The following SNAPC4 variants were observed in gnomAD, a reference collection of about 807,000 sequenced individuals.
SNAPC4 encodes small nuclear RNA activating complex polypeptide 4, also known as snRNA-activating protein complex subunit 4.
SNAPC4 carries 127 observed loss-of-function variants against 151.3 expected under a neutral mutation model. The ratio of observed to expected loss-of-function variants is 0.84; its 90% CI spans 0.73 to 0.97. The LOEUF (loss-of-function observed/expected upper bound fraction) is 0.97. SNAPC4 is among the 50% of genes least tolerant of loss of function. The pLI, the probability that SNAPC4 is intolerant of heterozygous loss-of-function variation, is 0.00. For synonymous variants in SNAPC4, 1,002 were observed against 824.4 expected (o/e 1.22, Z -3.69); for missense variants, 2,186 against 1,935.0 (o/e 1.13, Z -2.43).
At position 136,378,794 on chromosome 9, in the gene SNAPC4, G is replaced by A. The variant is rs779045325; in HGVS notation, c.3033C>T (p.Pro1011=). 2.9e-5 allele frequency: 45 copies of A among 1,568,320 alleles called. No individual in the cohort carries two copies. The highest frequency in any genetic ancestry group is 1.7e-4 in the Middle Eastern group (1 of 5,800). Residue 1011 remains proline (P), a synonymous_variant, in exon 22 of 24, where the codon CCC becomes CCT. Coordinates refer to ENST00000684778, the MANE Select transcript of SNAPC4 (RefSeq NM_003086.4). ...PAASQAPALG[P]GQISVSCPES... ...CGGGGCAGCTCACAGAGATCTGGCC[G>A]GGGCCCAGGGCAGGGGCTTGGGAAG...
Position 136,381,836 on chromosome 9 carries a change from C to G in SNAPC4, c.2305G>C (p.Val769Leu), listed in dbSNP as rs1453502178. Reference sequence around the variant, plus strand: ...CCCCAGGCCATACCTTGAGTCTGCACTACGGCGGGTCTCTGGGAAGCCTGT... The same window carrying G: ...CCCCAGGCCATACCTTGAGTCTGCAGTACGGCGGGTCTCTGGGAAGCCTGT... ...CTQASQRPAVVQTQADGLREQ... is the reference protein window; with the variant it reads ...CTQASQRPAVLQTQADGLREQ... Residue 769 changes from valine (V) to leucine (L), a missense_variant, in exon 18 of 24, where the codon GTG becomes CTG. Physicochemically the swap from Val to Leu is conservative, Grantham distance 32 (BLOSUM62 1). Coordinates refer to ENST00000684778, the MANE Select transcript of SNAPC4 (RefSeq NM_003086.4). 1.9e-6 allele frequency: 3 copies of G among 1,608,772 alleles called. No individual in the cohort carries two copies. Among genetic ancestry groups the G allele is most frequent in the Non-Finnish European group, 1.7e-6 (2 of 1,177,568 alleles).
chr9:136,376,075 C>T (rs140038208), intron 23 of SNAPC4, among the ~76,000 whole-genome samples: 387 of 152,298 alleles, frequency 2.5e-3, no homozygotes, highest in African/African-American at 8.8e-3. Context: ...CAGAGCACAG[C>T]GGCCAGGGAG....
At position 136,381,835 on chromosome 9, in the gene SNAPC4, A is replaced by G; in HGVS notation, c.2306T>C (p.Val769Ala). The G allele has an allele frequency of 6.2e-6, 10 of 1,612,054 alleles. No individual in the cohort carries two copies. The highest frequency in any genetic ancestry group is 8.5e-6 in the Non-Finnish European group (10 of 1,179,606). ...GCCCCAGGCCATACCTTGAGTCTGC[A>G]CTACGGCGGGTCTCTGGGAAGCCTG... ...CTQASQRPAVVQTQADGLREQ... is the reference protein window; with the variant it reads ...CTQASQRPAVAQTQADGLREQ... Residue 769 changes from valine (V) to alanine (A), a missense_variant, in exon 18 of 24, where the codon GTG (valine) becomes GCG (alanine). By Grantham distance (64) the Val-to-Ala change is moderately conservative. Transcript: ENST00000684778.
At position 136,378,272 on chromosome 9, in the gene SNAPC4, A is replaced by T. The variant is rs758827798; in HGVS notation, c.3555T>A (p.Pro1185=). 2 of 1,606,550 alleles carry T rather than the reference A, an allele frequency of 1.2e-6. No homozygotes were observed. The highest frequency in any genetic ancestry group is 2.2e-5 in the South Asian group (2 of 89,862). Reference sequence around the variant, plus strand: ...CAGCGTGGGAGGACGTCCTGGGCTCAGGTATCTCCCTGGCCACCTGGGCCT... The same window carrying T: ...CAGCGTGGGAGGACGTCCTGGGCTCTGGTATCTCCCTGGCCACCTGGGCCT... The part of the protein sequence containing the change: ...PGEAQVAREI[P]EPRTSSHADP... The change falls in exon 22 of 24, where the codon CCT becomes CCA. Residue 1185 remains proline, a synonymous_variant. Transcript: ENST00000684778.
intron 18 of SNAPC4, 99 bp from the exon 19 acceptor site, chr9:136,381,491 G>A (rs922572357): frequency 6.7e-5 from 75 of 1,112,746 alleles, no homozygotes; most frequent in African/African-American, 2.5e-4. Context: ...CTTTCGAGGC[G>A]GCTCTGGGAG....
In SNAPC4 at chr9:136,394,231, T is replaced by TTTA; in HGVS notation, c.632+17_632+18insTAA. 6.4e-7 allele frequency: 1 copy of TTTA among 1,561,070 alleles called. No homozygotes were observed. The highest frequency in any genetic ancestry group is 8.7e-7 in the Non-Finnish European group (1 of 1,151,042). ...GCCCAGCCTGAAGACCGTTTTTGAC[T>TTTA]TATGGTTTTAGACTTACTTCAGTAA... On this transcript the variant is annotated intron_variant, in intron 7 of 23. Coordinates refer to ENST00000684778, the MANE Select transcript of SNAPC4 (RefSeq NM_003086.4).
rs373252917 is a variant in SNAPC4, at chr9:136,396,960, A to C, written c.177+17T>G. 5.6e-6 allele frequency: 9 copies of C among 1,611,728 alleles called. No homozygotes were observed. The African/African-American group carries it at 1.2e-4, about 21-fold the overall frequency. The stretch of plus-strand genomic sequence containing the variant: ...AGGCCTGACCCAGTGGCACAGCCAG[A>C]TCAGGCCAACAGTTACCGAGATCGG... On this transcript the variant is annotated intron_variant, in intron 3 of 23. Coordinates refer to ENST00000684778, the MANE Select transcript of SNAPC4 (RefSeq NM_003086.4).
intron 16 of SNAPC4, 113 bp from the exon 17 acceptor site, chr9:136,382,449 G>C (rs1181600353): frequency 2.2e-6 from 2 of 905,818 alleles, no homozygotes; most frequent in Non-Finnish European, 3.5e-6. Flanking sequence ...AAGCGTGGCT[G>C]TGTACAGCTC....
chr9:136,394,971 C>T, intron 5 of SNAPC4, 93 bp from the exon 6 acceptor site: 3 of 1,089,744 alleles, frequency 2.8e-6, no homozygotes. Context: ...AGGACTCGGG[C>T]TCCCCCTGCC....
rs1478477261 is a variant in SNAPC4, at chr9:136,383,275, C to G, written c.1894G>C (p.Ala632Pro). 6.2e-7 allele frequency: 1 copy of G among 1,611,726 alleles called. No homozygotes were observed. Among genetic ancestry groups the G allele is most frequent in the Non-Finnish European group, 8.5e-7 (1 of 1,179,400 alleles). Residue 632 changes from alanine (A) to proline (P), a missense_variant, in exon 16 of 24, where the codon GCC (alanine) becomes CCC (proline). By Grantham distance (27) the Ala-to-Pro change is conservative. Coordinates refer to ENST00000684778, the MANE Select transcript of SNAPC4 (RefSeq NM_003086.4). This position sits in a 1 kb window ranked among gnomAD's most constrained non-coding sequence, Gnocchi z 4.2. ...GEETSPVQVP[A>P]RAHGPVPRSA... is the part of the protein sequence containing the mutation. ...CTCGGGACAGGGCCGTGGGCCCTGG[C>G]AGGGACCTGCACCGGACTCGTCTCC...
chr9:136,378,672 G>A lies in SNAPC4; in HGVS notation c.3155C>T (p.Pro1052Leu), dbSNP rs1833565322. The change falls in exon 22 of 24, where the codon CCA becomes CTA. Residue 1052 changes from proline (P) to leucine (L), a missense_variant. Pro to Leu is a moderately conservative substitution (Grantham distance 98). Transcript: ENST00000684778. ...PFLPAAPSPT[P>L]LPVQPLSLTH... ...CAGGCTGAGGGGCTGGACGGGCAGT[G>A]GGGTGGGGCTGGGGGCTGCGGGGAG... 2 of 1,506,802 alleles carry A rather than the reference G, an allele frequency of 1.3e-6. No homozygotes were observed. The highest frequency in any genetic ancestry group is 2.8e-5 in the African/African-American group (2 of 72,122). The allele number at this position is 1,506,802 out of a possible 1,614,324, so 93.3% of individuals were successfully genotyped here. A position where few individuals can be genotyped will look rare whatever the true frequency, so the allele number is the denominator to read the frequency against.
At chr9:136,379,343 G>A in intron 21 of SNAPC4, 44 bp from the exon 22 acceptor site, 1 of 1,608,556 alleles carries the variant, frequency 6.2e-7, no homozygotes. Context: ...CCAGGCATCT[G>A]GCCCAGGGAC....
intron 10 of SNAPC4, among the ~76,000 whole-genome samples, chr9:136,389,218 C>T (rs1376702103): frequency 1.3e-5 from 2 of 152,224 alleles, no homozygotes; most frequent in South Asian, 2.1e-4. Context: ...AGGGGTTTTC[C>T]AAGAGCTGAT....
At chr9:136,397,376 C>T (rs1024534557) in intron 2 of SNAPC4, among the ~76,000 whole-genome samples, 2 of 151,454 alleles carry the variant, frequency 1.3e-5, no homozygotes, top group African/African-American at 2.4e-5. Flanking sequence ...ATGGGAGGCA[C>T]GGATGTAGAG....
intron 3 of SNAPC4, among the ~76,000 whole-genome samples, chr9:136,396,478 G>A (rs1834278504): frequency 6.6e-6 from 1 of 152,188 alleles, no homozygotes; most frequent in Non-Finnish European, 1.5e-5. Context: ...GTGCAGTGGT[G>A]CAATCACAGC....
chr9:136,394,730 C>G (rs143531295), intron 6 of SNAPC4, 70 bp downstream of exon 6: 3 of 1,388,930 alleles, frequency 2.2e-6, no homozygotes, highest in Non-Finnish European at 3.0e-6. Flanking sequence ...TGGGGAGAAA[C>G]TGGGGAAAGG....
chr9:136,398,787 G>A (rs1427053659), intron 1 of SNAPC4: 4 of 225,376 alleles, frequency 1.8e-5, no homozygotes, highest in South Asian at 1.3e-4. Flanking sequence ...GCCACCCAGC[G>A]TAGAAGGTGT....
At chr9:136,379,890 G>A (rs757870996) in intron 20 of SNAPC4, 26 bp from the exon 21 acceptor site, 12 of 1,608,892 alleles carry the variant, frequency 7.5e-6, no homozygotes, top group Non-Finnish European at 1.0e-5. Flanking sequence ...AGGAGAGTCA[G>A]CAGCTCAGGT....
chr9:136,392,926 G>A, intron 7 of SNAPC4, 149 bp from the exon 8 acceptor site: 1 of 668,152 alleles, frequency 1.5e-6, no homozygotes, highest in Non-Finnish European at 2.6e-6. Flanking sequence ...CACCCATGAG[G>A]GAAGCTGTAG....
Sources: gnomAD v4.1 joint callset for allele counts (sites outside exome capture counted in the v4.1 genomes callset) on GRCh38, gnomAD v4.1.1 for gene constraint, Gnocchi (gnomAD v3.1) non-coding constraint, MANE v1.5 for transcripts, NCBI Gene and HGNC (gene_info 2026-07-23, HGNC 2026-07-21) for gene names.